TENM1: variants seen among roughly 807,000 people sequenced by gnomAD.
The protein encoded by TENM1 is teneurin-1.
A neutral mutation model predicts 174.8 loss-of-function variants in TENM1; 35 were observed. The observed-to-expected ratio is 0.20, with a 90% CI of 0.15 to 0.27. TENM1 has a LOEUF of 0.27. Ranked by LOEUF, TENM1 falls within the 10% of genes least tolerant of loss-of-function variation. TENM1 has a pLI of 1.00. For synonymous variants in TENM1, 781 were observed against 798.7 expected, an observed-to-expected ratio of 0.98 and a Z score of 0.37; for missense variants, 1,633 against 2,130.1, an observed-to-expected ratio of 0.77 and a Z score of 4.59.
At chrX:125,160,073 G>A in the TENM1 span, among the ~76,000 whole-genome samples, 3 of 108,961 alleles carry the variant, frequency 2.8e-5, no homozygotes, top group South Asian at 4.0e-4. Context: ...GGTGGCAGGC[G>A]CTTGTAATCC....
intron 11 of TENM1, among the ~76,000 whole-genome samples, chrX:124,584,174 A>T (rs2049419560): frequency 1.8e-5 from 2 of 110,081 alleles, no homozygotes; most frequent in African/African-American, 6.6e-5. Flanking sequence ...AGATTCAGGA[A>T]ATACAGAGAA....
chrX:125,039,299 G>A, the TENM1 span, among the ~76,000 whole-genome samples: 1 of 111,023 alleles, frequency 9.0e-6, no homozygotes, highest in East Asian at 2.8e-4. Flanking sequence ...TTTTCAGTTA[G>A]CGTTTTAAAA....
intron 11 of TENM1, among the ~76,000 whole-genome samples, chrX:124,608,824 T>C (rs1379999405): frequency 2.7e-5 from 3 of 109,495 alleles, no homozygotes; most frequent in Non-Finnish European, 5.7e-5. Context: ...TCAGATTTTC[T>C]TTCCAGATTT....
In TENM1 at chrX:124,702,413, T is replaced by G. The variant is rs182453683; in HGVS notation, c.1015+2600A>C. ...GTTTGCCATAAACATCTTCTCATAT[T>G]GAACCCACTCAAGTTACTGTGCCAG... On this transcript the variant is annotated intron_variant, in intron 5 of 31. Coordinates refer to ENST00000422452, the Ensembl canonical transcript of TENM1. Among the ~76,000 whole-genome samples, 122 of 111,824 alleles carry G rather than the reference T, an allele frequency of 1.1e-3. 1 individual carries two copies. The highest frequency in any genetic ancestry group is 3.8e-4 in the South Asian group (1 of 2,640).
At chrX:125,203,883 G>C in the TENM1 span, 1 of 113,164 alleles carries the variant, frequency 8.8e-6, no homozygotes, top group African/African-American at 3.2e-5. Context: ...TCCGCCGGGC[G>C]CTGCCAGTGC....
chrX:124,842,633 C>T (rs1035119661), intron 3 of TENM1, among the ~76,000 whole-genome samples: 2 of 110,609 alleles, frequency 1.8e-5, no homozygotes, highest in Non-Finnish European at 3.8e-5. Context: ...CTTTTTACTG[C>T]GTATTCACAG....
At chrX:125,088,460 T>G in the TENM1 span, among the ~76,000 whole-genome samples, 68 of 111,175 alleles carry the variant, frequency 6.1e-4, no homozygotes, top group Non-Finnish European at 7.6e-5. Flanking sequence ...TATATCAAAA[T>G]AATGCAAGAT....
the TENM1 span, among the ~76,000 whole-genome samples, chrX:125,011,639 A>G: frequency 1.8e-5 from 2 of 112,112 alleles, no homozygotes; most frequent in Non-Finnish European, 3.8e-5. Context: ...ACAACCAGAT[A>G]ACATCTCATG....
At chrX:124,598,910 G>A (rs748646261) in intron 11 of TENM1, among the ~76,000 whole-genome samples, 2 of 111,394 alleles carry the variant, frequency 1.8e-5, no homozygotes, top group Non-Finnish European at 3.8e-5. Context: ...GAGTATAATT[G>A]GATTGTTTGT....
intron 3 of TENM1, among the ~76,000 whole-genome samples, chrX:124,769,905 C>T (rs866678618): frequency 9.0e-6 from 1 of 111,584 alleles, no homozygotes; most frequent in African/African-American, 3.3e-5. Context: ...GACCTATGTA[C>T]ACCTAAACTA....
intron 17 of TENM1, among the ~76,000 whole-genome samples, chrX:124,521,258 A>T (rs1385680695): frequency 8.9e-6 from 1 of 112,079 alleles, no homozygotes; most frequent in African/African-American, 3.2e-5. Flanking sequence ...CTCTAAGAGG[A>T]AGAACTCAAG....
At chrX:124,578,200 T>C (rs1183940167) in intron 11 of TENM1, among the ~76,000 whole-genome samples, 1 of 111,897 alleles carries the variant, frequency 8.9e-6, no homozygotes, top group Non-Finnish European at 1.9e-5. Context: ...GTAGCTGGGA[T>C]TACATGAATG....
At chrX:124,900,791 C>CTTTTTT (rs370775010) in intron 1 of TENM1, among the ~76,000 whole-genome samples, 3 of 98,235 alleles carry the variant, frequency 3.1e-5, no homozygotes, top group African/African-American at 3.8e-5. Context: ...TCTTCTTCTT[C>CTTTTTT]TTTTTTTTTT....
chrX:124,381,184 C>T (rs2060152923), exon 32 of TENM1: 4 of 1,208,071 alleles, frequency 3.3e-6, no homozygotes, highest in Admixed American at 4.4e-5. Context: ...TTGGTTGCTT[C>T]CCTCCTTCAA....
At chrX:125,111,249 T>C in the TENM1 span, among the ~76,000 whole-genome samples, 5,784 of 110,970 alleles carry the variant, frequency 0.052, 387 homozygotes, top group African/African-American at 0.18. Context: ...TGAATATGGA[T>C]TCAGTACTAC....
intron 11 of TENM1, among the ~76,000 whole-genome samples, chrX:124,611,889 A>G (rs2050285281): frequency 8.9e-6 from 1 of 112,331 alleles, no homozygotes; most frequent in Non-Finnish European, 1.9e-5. Flanking sequence ...TTTTAGATTC[A>G]TTTTGAACTC....
At chrX:125,154,594 C>T in the TENM1 span, among the ~76,000 whole-genome samples, 1 of 111,662 alleles carries the variant, frequency 9.0e-6, no homozygotes, top group African/African-American at 3.3e-5. Context: ...TCTTAATGGA[C>T]GTAGTGTGTC....
intron 5 of TENM1, among the ~76,000 whole-genome samples, chrX:124,688,189 A>G (rs1208730171): frequency 9.6e-6 from 1 of 104,455 alleles, no homozygotes; most frequent in Non-Finnish European, 2.0e-5. Context: ...GTATACTTCA[A>G]GATTCCTCTC....
chrX:124,522,650 CAAT>C (rs1242907763), intron 17 of TENM1, among the ~76,000 whole-genome samples: 2 of 100,535 alleles, frequency 2.0e-5, no homozygotes, highest in Non-Finnish European at 4.0e-5. Flanking sequence ...AGAACAATGA[CAAT>C]GATACAAACT....
Sources: gnomAD v4.1 joint callset for allele counts (sites outside exome capture counted in the v4.1 genomes callset) on GRCh38, gnomAD v4.1.1 for gene constraint, MANE v1.5 for transcripts, NCBI Gene and HGNC (gene_info 2026-07-23, HGNC 2026-07-21) for gene names.